Variants in DNAH12 observed in about 807,000 individuals in gnomAD.
DNAH12 encodes the protein axonemal beta dynein heavy chain 12.
Under a neutral mutation model 371.5 loss-of-function variants are expected in DNAH12, and 285 were observed. The observed-to-expected ratio is 0.77, with a 90% confidence interval of 0.70 to 0.85. DNAH12 has a LOEUF of 0.85. Ranked by LOEUF, DNAH12 falls within the 40% of genes least tolerant of loss-of-function variation. The probability of loss-of-function intolerance (pLI) is 0.00; values close to 1 mark genes in which losing one functional copy is unlikely to be tolerated. For synonymous variants in DNAH12, 1,200 were observed against 1,213.0 expected, an observed-to-expected ratio of 0.99 and a Z score of 0.22; for missense variants, 3,611 against 3,689.4, an observed-to-expected ratio of 0.98 and a Z score of 0.55.
At chr3:57,413,615 T>G in intron 39 of DNAH12, 131 bp downstream of exon 39, 1 of 991,740 alleles carries the variant, frequency 1.0e-6, no homozygotes, top group Non-Finnish European at 1.5e-6. Flanking sequence ...TTAGAGAGGC[T>G]TCATGTATAG....
chr3:57,555,709 A>T, the DNAH12 span, among the ~76,000 whole-genome samples: 1 of 152,238 alleles, frequency 6.6e-6, no homozygotes, highest in African/African-American at 2.4e-5. Flanking sequence ...TAGTGTGTGT[A>T]GCGTTTCTCG....
intron 11 of DNAH12, among the ~76,000 whole-genome samples, chr3:57,499,641 A>ATATATATATATATATAT (rs1553711536): frequency 3.9e-5 from 1 of 25,418 alleles, no homozygotes; most frequent in Non-Finnish European, 9.1e-5. Context: ...AAAAAAAAAA[A>ATATATATATATATATAT]AAAAAAATAT....
intron 8 of DNAH12, 113 bp downstream of exon 8, chr3:57,507,530 G>T: frequency 1.3e-6 from 1 of 756,174 alleles, no homozygotes; most frequent in Non-Finnish European, 1.9e-6. Context: ...AATTACAGTA[G>T]AAATATTTTA....
chr3:57,425,047 C>T lies in DNAH12; in HGVS notation c.5348G>A (p.Ser1783Asn). The T allele has an allele frequency of 1.4e-6, 1 of 702,512 alleles. No individual in the cohort carries two copies. The highest frequency in any genetic ancestry group is 2.6e-6 in the Non-Finnish European group (1 of 384,856). The allele number at this position is 702,512 out of a possible 1,614,324, so 43.5% of individuals were successfully genotyped here. The change falls in exon 35 of 74, where the codon AGC (serine) becomes AAC (asparagine). Residue 1783 changes from serine to asparagine, a missense_variant. Coordinates refer to ENST00000495027, the MANE Select transcript of DNAH12 (RefSeq NM_001366028.2). ...CATAATCCAAACACGAATGTGCTTG[C>T]TAGTAGGATCATTTTCTACCACATT... ...LCNVVENDPT[S>N]KHIRVWIMAC...
chr3:57,301,808 T>C lies in DNAH12; in HGVS notation c.11321A>G (p.Lys3774Arg). 2 of 1,551,562 alleles carry C rather than the reference T, an allele frequency of 1.3e-6. No individual in the cohort carries two copies. Among genetic ancestry groups the C allele is most frequent in the African/African-American group, 2.7e-5 (2 of 73,082 alleles). The change falls in exon 70 of 74, where the codon AAA becomes AGA. Residue 3774 changes from lysine to arginine, a missense_variant. Around this residue, in one of 3 missense-constraint regions of DNAH12, gnomAD observed 2,266 missense variants for 2,236.9 expected, o/e 1.01. Coordinates refer to ENST00000495027, the MANE Select transcript of DNAH12 (RefSeq NM_001366028.2). Reference sequence around the variant, plus strand: ...GGGCTTAAGGCTTGGGTATGAACGTTTGGCCCATATTTCTGGAACCTTTCC... The same window carrying C: ...GGGCTTAAGGCTTGGGTATGAACGTCTGGCCCATATTTCTGGAACCTTTCC... The part of the protein sequence containing the change: ...LVGKVPEIWA[K>R]RSYPSLKPLG...
intron 65 of DNAH12, among the ~76,000 whole-genome samples, chr3:57,318,272 G>A (rs760167894): frequency 9.2e-5 from 14 of 152,096 alleles, no homozygotes; most frequent in South Asian, 4.1e-4. Context: ...GTGTTCTTCC[G>A]TAAGTTTTAC....
chr3:57,420,290 A>G (rs1031405520), intron 36 of DNAH12, among the ~76,000 whole-genome samples: 1 of 152,150 alleles, frequency 6.6e-6, no homozygotes, highest in African/African-American at 2.4e-5. Flanking sequence ...ATACCTGCCA[A>G]AGTAGCCCCC....
rs181573226 is a variant in DNAH12, at chr3:57,484,615, G to A, written c.1515-1104C>T. ...AAAATAACATCAGAAAAAAGCTTCT[G>A]GACATTGGCTTAGGCAAAGAATCCA... On this transcript the variant is annotated intron_variant, in intron 12 of 73. Transcript: ENST00000495027. Among the ~76,000 whole-genome samples, 379 of 152,072 alleles carry A rather than the reference G, an allele frequency of 2.5e-3. 2 individuals carry two copies. Among genetic ancestry groups the A allele is most frequent in the African/African-American group, 8.5e-3 (351 of 41,500 alleles).
chr3:57,428,328 CAT>C (rs2064846725), intron 34 of DNAH12: 1 of 1,112,388 alleles, frequency 9.0e-7, no homozygotes, highest in African/African-American at 1.7e-5. Flanking sequence ...TTGAATAACT[CAT>C]AAACTCACTA....
chr3:57,448,917 C>G (rs1381820177), intron 25 of DNAH12, among the ~76,000 whole-genome samples: 10 of 111,158 alleles, frequency 9.0e-5, no homozygotes, highest in African/African-American at 3.6e-4. Context: ...GAGCTAGATA[C>G]AGAGTGCCGA....
intron 22 of DNAH12, among the ~76,000 whole-genome samples, chr3:57,456,922 T>A (rs1168175949): frequency 1.3e-5 from 2 of 152,222 alleles, no homozygotes; most frequent in East Asian, 1.9e-4. Flanking sequence ...CTGTTGAAAT[T>A]AACTACAAAA....
chr3:57,446,854 A>G lies in DNAH12; in HGVS notation c.3787-165T>C, dbSNP rs138052057. 1.8e-3 allele frequency among the ~76,000 whole-genome samples: 268 copies of G among 152,380 alleles called. 1 individual carries two copies. The highest frequency in any genetic ancestry group is 6.1e-3 in the African/African-American group (255 of 41,592). On this transcript the variant is annotated intron_variant, in intron 25 of 73. Transcript: ENST00000495027. Reference sequence around the variant, plus strand: ...AAATTTTTCTAGCTGCATGAAGAGAAAGCATTTTAAAACGTTCAAAAAAGT... The same window carrying G: ...AAATTTTTCTAGCTGCATGAAGAGAGAGCATTTTAAAACGTTCAAAAAAGT...
intron 38 of DNAH12, 60 bp downstream of exon 38, chr3:57,415,366 C>T: frequency 1.3e-6 from 2 of 1,519,192 alleles, no homozygotes; most frequent in Non-Finnish European, 1.8e-6. Context: ...CAATTTTAAA[C>T]ACTGAGCAAA....
intron 55 of DNAH12, among the ~76,000 whole-genome samples, chr3:57,369,228 A>ATATAT (rs1553666815): frequency 9.1e-5 from 12 of 131,732 alleles, no homozygotes; most frequent in African/African-American, 2.7e-4. Flanking sequence ...TTAAAAAAAA[A>ATATAT]ATATATATAT....
intron 12 of DNAH12, among the ~76,000 whole-genome samples, chr3:57,486,680 G>A (rs1288555545): frequency 6.6e-6 from 1 of 151,546 alleles, no homozygotes; most frequent in Admixed American, 6.6e-5. Flanking sequence ...TGAGGAAAGA[G>A]ACAAAAGCAC....
chr3:57,340,113 C>G (rs1461676223), intron 60 of DNAH12, among the ~76,000 whole-genome samples: 6 of 150,982 alleles, frequency 4.0e-5, no homozygotes, highest in Admixed American at 3.3e-4. Context: ...AATAGAAACA[C>G]AGCATACCAA....
chr3:57,334,937 T>C lies in DNAH12; in HGVS notation c.9678A>G (p.Ala3226=). 1 of 1,541,404 alleles carries C rather than the reference T, an allele frequency of 6.5e-7. No individual in the cohort carries two copies. The highest frequency in any genetic ancestry group is 8.7e-7 in the Non-Finnish European group (1 of 1,144,626). Residue 3226 remains alanine, a synonymous_variant, in exon 61 of 74, where the codon GCA becomes GCG. Transcript: ENST00000495027. ...GTTCCTGGTATTCAATCTCTTTCCT[T>C]GCCCTGTATTCCCAAAATAAGGACT... ...SFLLCANLLL[A]RKEIEYQELM...
intron 29 of DNAH12, among the ~76,000 whole-genome samples, chr3:57,443,406 G>A (rs2065372076): frequency 6.6e-6 from 1 of 152,086 alleles, no homozygotes; most frequent in African/African-American, 2.4e-5. Context: ...CACCATGCCT[G>A]GCTTGTAATT....
chr3:57,346,759 T>C (rs189855923), intron 60 of DNAH12, among the ~76,000 whole-genome samples: 3 of 151,972 alleles, frequency 2.0e-5, no homozygotes, highest in South Asian at 4.2e-4. Context: ...AGTAAAGAGA[T>C]AGAGAAAGAT....
Sources: allele counts gnomAD v4.1 joint callset (sites outside exome capture counted in the v4.1 genomes callset), GRCh38; gene constraint gnomAD v4.1.1; regional missense constraint gnomAD v4.1.1; transcripts MANE v1.5; gene names NCBI Gene and HGNC (gene_info 2026-07-23, HGNC 2026-07-21).